The following CYYR1 variants were observed in gnomAD, a reference collection of about 807,000 sequenced individuals.
CYYR1 encodes cysteine and tyrosine-rich protein 1.
CYYR1 carries 14 observed loss-of-function variants against 15.2 expected under a neutral mutation model. The ratio of observed to expected loss-of-function variants is 0.92; its 90% CI spans 0.61 to 1.44. The LOEUF is 1.44. CYYR1 is among the 40% of genes most tolerant of loss of function. The probability of loss-of-function intolerance (pLI) is 0.00; values close to 1 mark genes in which losing one functional copy is unlikely to be tolerated. For synonymous variants in CYYR1, 80 were observed against 77.4 expected, an observed-to-expected ratio of 1.03 and a Z score of -0.18; for missense variants, 228 against 209.5, an observed-to-expected ratio of 1.09 and a Z score of -0.54.
chr21:26,546,593 C>T (rs1421092022), intron 2 of CYYR1, among the ~76,000 whole-genome samples: 1 of 152,166 alleles, frequency 6.6e-6, no homozygotes, highest in African/African-American at 2.4e-5. Flanking sequence ...CCAACTGGAA[C>T]CCCCAAATGG....
In CYYR1 at chr21:26,573,072, TAGGGAGCCTTCCA is replaced by T. The variant is rs1340919907; in HGVS notation, c.-145_-133del. The T allele has an allele frequency of 3.2e-6, 5 of 1,552,438 alleles. No individual in the cohort carries two copies. Among genetic ancestry groups the T allele is most frequent in the South Asian group, 1.2e-5 (1 of 85,714 alleles). On this transcript the variant is annotated 5_prime_UTR_variant, in exon 1 of 4. Coordinates refer to ENST00000652641, the MANE Select transcript of CYYR1 (RefSeq NM_001320768.2). Reference sequence around the variant, plus strand: ...GTGGAGCAGAGACCCGGCCATTGCCTAGGGAGCCTTCCAAGGGAGCCCGGGCCGGGCGCGTCCC... The same window carrying T: ...GTGGAGCAGAGACCCGGCCATTGCCTAGGGAGCCCGGGCCGGGCGCGTCCC...
chr21:26,561,972 T>C (rs1352789232), intron 2 of CYYR1, among the ~76,000 whole-genome samples: 1 of 152,168 alleles, frequency 6.6e-6, no homozygotes, highest in Non-Finnish European at 1.5e-5. Flanking sequence ...ATAAACCACA[T>C]TTTTACACTG....
chr21:26,541,691 G>A (rs909887102), intron 2 of CYYR1, among the ~76,000 whole-genome samples: 1 of 152,074 alleles, frequency 6.6e-6, no homozygotes, highest in Admixed American at 6.6e-5. Context: ...ACTAATGATT[G>A]TTTAAAATAA....
At chr21:26,512,231 C>G (rs1250793479) in intron 2 of CYYR1, among the ~76,000 whole-genome samples, 1 of 151,918 alleles carries the variant, frequency 6.6e-6, no homozygotes, top group Non-Finnish European at 1.5e-5. Context: ...CAGAGTCTCA[C>G]TCTGTCACTC....
chr21:26,501,059 G>T (rs763183047), intron 2 of CYYR1, among the ~76,000 whole-genome samples: 1 of 152,148 alleles, frequency 6.6e-6, no homozygotes, highest in Non-Finnish European at 1.5e-5. Flanking sequence ...AATCAGTAAG[G>T]CCGGGCGCAG....
intron 2 of CYYR1, among the ~76,000 whole-genome samples, chr21:26,541,473 A>C (rs1048899576): frequency 2.6e-5 from 4 of 152,216 alleles, no homozygotes; most frequent in African/African-American, 9.6e-5. Flanking sequence ...AAAAGTGCCA[A>C]ATGAAAGCAA....
At chr21:26,517,262 TA>T (rs1479994964) in intron 2 of CYYR1, among the ~76,000 whole-genome samples, 1 of 152,088 alleles carries the variant, frequency 6.6e-6, no homozygotes, top group Non-Finnish European at 1.5e-5. Context: ...ATAGTAGGAT[TA>T]GTCAAGCCTG....
rs555956015 is a variant in CYYR1, at chr21:26,520,951, G to A, written c.177-40522C>T. Among the ~76,000 whole-genome samples the A allele has an allele frequency of 1.1e-4, 17 of 152,194 alleles. No homozygotes were observed. In the South Asian group the frequency reaches 2.7e-3, roughly 24 times the overall value. The stretch of plus-strand genomic sequence containing the variant: ...GCAGGAACAGAAAACCAAACACTGC[G>A]CGTTCTCACTTGTAAGTGGGACCTG... On this transcript the variant is annotated intron_variant, in intron 2 of 3. Transcript: ENST00000652641.
At chr21:26,565,553 G>A (rs975199606) in intron 2 of CYYR1, among the ~76,000 whole-genome samples, 1 of 152,112 alleles carries the variant, frequency 6.6e-6, no homozygotes, top group African/African-American at 2.4e-5. Flanking sequence ...ATTGACAAGT[G>A]CACACTTTTC....
chr21:26,514,490 G>C (rs1260587459), intron 2 of CYYR1, among the ~76,000 whole-genome samples: 1 of 152,196 alleles, frequency 6.6e-6, no homozygotes, highest in Non-Finnish European at 1.5e-5. Context: ...GAGGCAGTCA[G>C]AGGCCCTCAT....
At chr21:26,488,490 C>A (rs2123432166) in intron 2 of CYYR1, among the ~76,000 whole-genome samples, 1 of 152,134 alleles carries the variant, frequency 6.6e-6, no homozygotes. Context: ...TGAGGTAAAG[C>A]AATCTGCCTG....
At chr21:26,480,544 ATG>A in intron 2 of CYYR1, 115 bp from the exon 3 acceptor site, 19 of 1,115,514 alleles carry the variant, frequency 1.7e-5, no homozygotes, top group South Asian at 5.8e-5. Flanking sequence ...CTTAAGGATA[ATG>A]TGTGTGTGTT....
At chr21:26,538,385 C>G (rs1449272599) in intron 2 of CYYR1, among the ~76,000 whole-genome samples, 6 of 151,932 alleles carry the variant, frequency 3.9e-5, no homozygotes, top group Non-Finnish European at 7.4e-5. Flanking sequence ...TTAATTGGAT[C>G]TTTCTTAATT....
chr21:26,524,124 T>C (rs764461675), intron 2 of CYYR1, among the ~76,000 whole-genome samples: 4 of 152,230 alleles, frequency 2.6e-5, no homozygotes, highest in Non-Finnish European at 5.9e-5. Flanking sequence ...TGGCCTATAC[T>C]TGCTACATTT....
At chr21:26,563,756 G>A (rs577844663) in intron 2 of CYYR1, among the ~76,000 whole-genome samples, 17 of 152,252 alleles carry the variant, frequency 1.1e-4, no homozygotes, top group African/African-American at 3.4e-4. Context: ...GATTTCAGCT[G>A]GTGACTAGGG....
chr21:26,472,509 T>A (rs1269075491), intron 3 of CYYR1, among the ~76,000 whole-genome samples: 1 of 152,072 alleles, frequency 6.6e-6, no homozygotes, highest in African/African-American at 2.4e-5. Flanking sequence ...AAAATTTAGG[T>A]CTTTGTTTTA....
chr21:26,528,569 C>T (rs1033091306), intron 2 of CYYR1, among the ~76,000 whole-genome samples: 1 of 152,154 alleles, frequency 6.6e-6, no homozygotes, highest in East Asian at 1.9e-4. Flanking sequence ...AACCGGGTGC[C>T]AGTGCTATGC....
chr21:26,550,715 GA>G (rs1435120001), intron 2 of CYYR1: 2 of 152,208 alleles, frequency 1.3e-5, no homozygotes, highest in Non-Finnish European at 2.9e-5. Flanking sequence ...GGAAAGTGCA[GA>G]AGGAAAGTTA....
At chr21:26,542,292 T>G (rs28531715) in intron 2 of CYYR1, among the ~76,000 whole-genome samples, 12 of 65,526 alleles carry the variant, frequency 1.8e-4, no homozygotes, top group African/African-American at 5.5e-4. Flanking sequence ...TGTGTGTGCG[T>G]GTGTGTGTGT....
Sources: allele counts gnomAD v4.1 joint callset (sites outside exome capture counted in the v4.1 genomes callset), GRCh38; gene constraint gnomAD v4.1.1; transcripts MANE v1.5; gene names NCBI Gene and HGNC (gene_info 2026-07-23, HGNC 2026-07-21).